TUT4: variants seen among roughly 807,000 people sequenced by gnomAD.
The protein encoded by TUT4 is terminal uridylyl transferase 4.
In TUT4, 36 loss-of-function variants were observed where a neutral mutation model predicts 192.2. The observed-to-expected ratio is 0.19, with a 90% CI of 0.14 to 0.25. TUT4 has a LOEUF of 0.25. Among genes scored for constraint, TUT4 ranks in the 10% least tolerant of loss-of-function variants. TUT4 has a pLI of 1.00. For missense variants in TUT4, 1,493 were observed against 1,957.2 expected (o/e 0.76, Z 4.47); for synonymous variants, 618 against 666.0 (o/e 0.93, Z 1.11).
At chr1:52,544,073 G>A (rs548645019) in intron 1 of TUT4, among the ~76,000 whole-genome samples, 1 of 151,630 alleles carries the variant, frequency 6.6e-6, no homozygotes, top group African/African-American at 2.4e-5. Context: ...CAGATCACAA[G>A]GTCAGGAGAT....
chr1:52,446,689 A>G, intron 20 of TUT4, 22 bp from the exon 21 acceptor site: 3 of 1,573,352 alleles, frequency 1.9e-6, no homozygotes, highest in Non-Finnish European at 2.6e-6. Flanking sequence ...AATTAATTGT[A>G]TTATTAGATT....
chr1:52,423,673 A>G lies in TUT4; in HGVS notation c.*262T>C. ...GGGTAATAAAATAGATGAAATTTGTATCACTCAATTTGGTGATACTAGTAA... is the reference window on the plus strand; with the variant it reads ...GGGTAATAAAATAGATGAAATTTGTGTCACTCAATTTGGTGATACTAGTAA... On this transcript the variant is annotated 3_prime_UTR_variant, in exon 30 of 30. Transcript: ENST00000257177. 1.6e-6 allele frequency: 1 copy of G among 627,094 alleles called. No individual in the cohort carries two copies. The highest frequency in any genetic ancestry group is 3.8e-5 in the East Asian group (1 of 26,252). 38.8% of individuals were successfully genotyped at this position (627,094 alleles called of 1,614,324 possible). A position where few individuals can be genotyped will look rare whatever the true frequency, so the allele number is the denominator to read the frequency against.
chr1:52,543,506 T>G (rs1323009645), intron 1 of TUT4, among the ~76,000 whole-genome samples: 1 of 147,206 alleles, frequency 6.8e-6, no homozygotes, highest in African/African-American at 2.6e-5. Context: ...TTTTTTGAGA[T>G]GGAGTCTCGC....
At chr1:52,510,500 G>A (rs1370509880) in intron 3 of TUT4, among the ~76,000 whole-genome samples, 1 of 152,038 alleles carries the variant, frequency 6.6e-6, no homozygotes, top group Non-Finnish European at 1.5e-5. Context: ...AATTTCAAAA[G>A]TTGAGTTCGA....
intron 2 of TUT4, among the ~76,000 whole-genome samples, chr1:52,517,022 A>C (rs916745223): frequency 6.6e-6 from 1 of 152,212 alleles, no homozygotes; most frequent in African/African-American, 2.4e-5. Context: ...TGCCAGAATT[A>C]ATCACCAAAG....
At chr1:52,514,061 G>A (rs1678012001) in intron 3 of TUT4, among the ~76,000 whole-genome samples, 1 of 152,146 alleles carries the variant, frequency 6.6e-6, no homozygotes, top group South Asian at 2.1e-4. Context: ...AGGTTCCAGT[G>A]ATAGAGATTT....
At position 52,497,173 on chromosome 1, in the gene TUT4, T is replaced by C; in HGVS notation, c.1010A>G (p.Glu337Gly). 6.3e-7 allele frequency: 1 copy of C among 1,599,824 alleles called. No individual in the cohort carries two copies. The highest frequency in any genetic ancestry group is 8.5e-7 in the Non-Finnish European group (1 of 1,176,392). Residue 337 changes from glutamate to glycine, a missense_variant, in exon 5 of 30, where the codon GAA (glutamate) becomes GGA (glycine). By Grantham distance (98) the Glu-to-Gly change is moderately conservative. Coordinates refer to ENST00000257177, the MANE Select transcript of TUT4 (RefSeq NM_001009881.3). Reference protein sequence around the residue: ...RHKKNILEKQEESELRSLPPP... With the variant: ...RHKKNILEKQGESELRSLPPP... ...TGGCAGAGAACGAAGCTCACTTTCT[T>C]CTTGTTTTTCCTATTAATGTAATGA...
intron 3 of TUT4, among the ~76,000 whole-genome samples, chr1:52,510,493 T>G (rs942394610): frequency 6.6e-6 from 1 of 152,108 alleles, no homozygotes; most frequent in Admixed American, 6.6e-5. Context: ...TGTAAGAAAT[T>G]TCAAAAGTTG....
Position 52,446,581 on chromosome 1 carries a change from T to C in TUT4, c.3513+9A>G, listed in dbSNP as rs1390015888. On this transcript the variant is annotated intron_variant, in intron 21 of 29. Coordinates refer to ENST00000257177, the MANE Select transcript of TUT4 (RefSeq NM_001009881.3). ...GCATTCTAGAACATAAAGACTATTT[T>C]AAAATTACCAGTTCTTCTGTTTTAT... The C allele has an allele frequency of 6.3e-7, 1 of 1,597,120 alleles. No individual in the cohort carries two copies. Among genetic ancestry groups the C allele is most frequent in the African/African-American group, 1.4e-5 (1 of 73,938 alleles).
intron 1 of TUT4, among the ~76,000 whole-genome samples, chr1:52,551,559 T>C (rs1196379673): frequency 6.6e-6 from 1 of 152,260 alleles, no homozygotes; most frequent in Non-Finnish European, 1.5e-5. Flanking sequence ...TAATGAGTTA[T>C]CTTAAGCACA....
At chr1:52,478,146 C>G (rs1667569296) in intron 11 of TUT4, among the ~76,000 whole-genome samples, 1 of 152,062 alleles carries the variant, frequency 6.6e-6, no homozygotes, top group Non-Finnish European at 1.5e-5. Flanking sequence ...TAAAATACAC[C>G]AATACCTGAA....
At chr1:52,534,159 T>C (rs1386184382) in intron 1 of TUT4, among the ~76,000 whole-genome samples, 1 of 152,096 alleles carries the variant, frequency 6.6e-6, no homozygotes, top group Non-Finnish European at 1.5e-5. Context: ...CAGACAAAAC[T>C]TAGCCCCGTC....
intron 9 of TUT4, among the ~76,000 whole-genome samples, chr1:52,484,581 T>C (rs1459721727): frequency 2.6e-5 from 4 of 152,220 alleles, no homozygotes; most frequent in South Asian, 2.1e-4. Context: ...ATTTTAAATT[T>C]TCATTTAAGT....
intron 4 of TUT4, among the ~76,000 whole-genome samples, chr1:52,507,450 C>G (rs779432454): frequency 1.3e-5 from 2 of 152,090 alleles, no homozygotes; most frequent in Admixed American, 6.6e-5. Context: ...GCCTGAAAAC[C>G]ACTGCTTCAT....
intron 9 of TUT4, among the ~76,000 whole-genome samples, chr1:52,482,684 T>A (rs1668801909): frequency 6.6e-6 from 1 of 152,138 alleles, no homozygotes; most frequent in Non-Finnish European, 1.5e-5. Flanking sequence ...ATCTCCCCGC[T>A]CGGCCTCCCA....
At position 52,539,961 on chromosome 1, in the gene TUT4, G is replaced by C. The variant is rs183289080; in HGVS notation, c.-94+12970C>G. On this transcript the variant is annotated intron_variant, in intron 1 of 29. Coordinates refer to ENST00000257177, the MANE Select transcript of TUT4 (RefSeq NM_001009881.3). Reference sequence around the variant, plus strand: ...GGCGCGGGACTACAGGCTCACACCTGTAATCCCAGCACTTTGGGAGGCCAA... The same window carrying C: ...GGCGCGGGACTACAGGCTCACACCTCTAATCCCAGCACTTTGGGAGGCCAA... Among the ~76,000 whole-genome samples the C allele has an allele frequency of 2.7e-3, 396 of 148,638 alleles. 2 individuals are homozygous for C. The highest frequency in any genetic ancestry group is 6.2e-3 in the Admixed American group (92 of 14,922).
chr1:52,436,684 G>A, intron 26 of TUT4, 71 bp downstream of exon 26: 1 of 1,595,690 alleles, frequency 6.3e-7, no homozygotes, highest in South Asian at 1.1e-5. Flanking sequence ...AGGAATTAGG[G>A]TCATTTAGCA....
At chr1:52,454,247 CA>C (rs1463195814) in intron 20 of TUT4, among the ~76,000 whole-genome samples, 2 of 152,088 alleles carry the variant, frequency 1.3e-5, no homozygotes, top group African/African-American at 4.8e-5. Context: ...CATAGAGAGG[CA>C]AAAGACTCAG....
intron 12 of TUT4, among the ~76,000 whole-genome samples, chr1:52,476,639 A>T (rs919155523): frequency 6.6e-6 from 1 of 152,160 alleles, no homozygotes; most frequent in Non-Finnish European, 1.5e-5. Flanking sequence ...CTTCCCAAAG[A>T]AAATGAAAGA....
Sources: gnomAD v4.1 joint callset for allele counts (sites outside exome capture counted in the v4.1 genomes callset) on GRCh38, gnomAD v4.1.1 for gene constraint, MANE v1.5 for transcripts, NCBI Gene and HGNC (gene_info 2026-07-23, HGNC 2026-07-21) for gene names.